The following UMOD variants were observed in gnomAD, a reference collection of about 807,000 sequenced individuals.
UMOD encodes the protein uromodulin.
A neutral mutation model predicts 66.0 loss-of-function variants in UMOD; 64 were observed. The ratio of observed to expected loss-of-function variants is 0.97; its 90% CI spans 0.79 to 1.19. The LOEUF (loss-of-function observed/expected upper bound fraction) is 1.19. Ranked by LOEUF, UMOD falls within the 50% of genes most tolerant of loss-of-function variation. The pLI, the probability that UMOD is intolerant of heterozygous loss-of-function variation, is 0.00. For missense variants in UMOD, 764 were observed against 850.9 expected, an observed-to-expected ratio of 0.90 and a Z score of 1.27; for synonymous variants, 398 against 352.7, an observed-to-expected ratio of 1.13 and a Z score of -1.44.
At chr16:20,343,125 G>A (rs183962941) in intron 6 of UMOD, among the ~76,000 whole-genome samples, 1,188 of 110,244 alleles carry the variant, frequency 0.011, 9 homozygotes, top group African/African-American at 0.029. Flanking sequence ...ACGAGACTCC[G>A]TCTCAATAAA....
At chr16:20,355,498 A>G (rs1314769559), upstream of UMOD, among the ~76,000 whole-genome samples, 1 of 150,926 alleles carries the variant, frequency 6.6e-6, no homozygotes, top group Non-Finnish European at 1.5e-5. Flanking sequence ...CCACCTCCCA[A>G]GTTCAAGTGA....
intron 7 of UMOD, among the ~76,000 whole-genome samples, chr16:20,340,003 A>T (rs1186179250): frequency 1.3e-5 from 2 of 150,512 alleles, no homozygotes; most frequent in African/African-American, 2.5e-5. Context: ...CCCATGTCTT[A>T]CTCCTCCCCC....
chr16:20,352,077 C>T (rs1307745187), intron 1 of UMOD, among the ~76,000 whole-genome samples: 1 of 146,680 alleles, frequency 6.8e-6, no homozygotes, highest in Admixed American at 6.9e-5. Context: ...CTAGTGCAGT[C>T]GCTTCTGCAT....
At chr16:20,335,336 G>T in intron 10 of UMOD, 146 bp downstream of exon 10, 1 of 771,956 alleles carries the variant, frequency 1.3e-6, no homozygotes, top group Non-Finnish European at 2.2e-6. Flanking sequence ...GACCACTCAG[G>T]TTCTCTGAGC....
intron 7 of UMOD, among the ~76,000 whole-genome samples, chr16:20,339,802 G>A (rs1413129793): frequency 4.6e-5 from 7 of 152,192 alleles, no homozygotes; most frequent in Non-Finnish European, 8.8e-5. Flanking sequence ...TGAGGGCAGA[G>A]GTTTTTGTTT....
chr16:20,334,032 CAAAAAAAAAAAA>C (rs575596167), intron 10 of UMOD, among the ~76,000 whole-genome samples: 1 of 57,114 alleles, frequency 1.8e-5, no homozygotes, highest in Non-Finnish European at 3.3e-5. Flanking sequence ...GATTCCATCT[CAAAAAAAAAAAA>C]AAAAAAAAAA....
At position 20,337,421 on chromosome 16, in the gene UMOD, A is replaced by G. The variant is rs1457035320; in HGVS notation, c.1610T>C (p.Val537Ala). Residue 537 changes from valine (V) to alanine (A), a missense_variant, in exon 8 of 11, where the codon GTG (valine) becomes GCG (alanine). Val to Ala is a moderately conservative substitution (Grantham distance 64). Transcript: ENST00000396138. ...CTGGGAGGACTCCCCATTCTCCACC[A>G]CTTGGATAGTTGAGTCTCTAGTGTG... Reference protein sequence around the residue: ...CPHTRDSTIQVVENGESSQGR... With the variant: ...CPHTRDSTIQAVENGESSQGR... 2 of 1,614,188 alleles carry G rather than the reference A, an allele frequency of 1.2e-6. No homozygotes were observed. The highest frequency in any genetic ancestry group is 1.7e-6 in the Non-Finnish European group (2 of 1,180,034).
In UMOD at chr16:20,348,330, T is replaced by C. The variant is rs1301461315; in HGVS notation, c.866A>G (p.Asp289Gly). Residue 289 changes from aspartate (D) to glycine (G), a missense_variant and splice_region_variant, in exon 4 of 11, where the codon GAC becomes GGC. Asp to Gly is a moderately conservative substitution (Grantham distance 94). Coordinates refer to ENST00000396138, the MANE Select transcript of UMOD (RefSeq NM_003361.4). ...PPECHLAYCT[D>G]PSSVEGTCEE... ...ACACGTCCCCTCCACGGAGCTGGGG[T>C]CTGCAGGGTCACAGGGACAGACAGA... 1 of 1,613,932 alleles carries C rather than the reference T, an allele frequency of 6.2e-7. No individual in the cohort carries two copies. The highest frequency in any genetic ancestry group is 8.5e-7 in the Non-Finnish European group (1 of 1,180,034).
intron 8 of UMOD, 127 bp from the exon 9 acceptor site, chr16:20,336,854 T>C: frequency 1.3e-6 from 1 of 795,352 alleles, no homozygotes; most frequent in Non-Finnish European, 2.1e-6. Context: ...TTAGGAGACC[T>C]GTATACCGGG....
At chr16:20,335,276 G>A (rs1388842467) in intron 10 of UMOD, among the ~76,000 whole-genome samples, 3 of 152,138 alleles carry the variant, frequency 2.0e-5, no homozygotes, top group Non-Finnish European at 4.4e-5. Context: ...GTATACTGGG[G>A]CACATGTCCC....
At chr16:20,346,883 G>GAGAA (rs147502738) in intron 4 of UMOD, among the ~76,000 whole-genome samples, 2,565 of 151,270 alleles carry the variant, frequency 0.017, 69 homozygotes, top group East Asian at 0.062. Flanking sequence ...AAAAGAAAGA[G>GAGAA]AGAAAGAAAG....
intron 5 of UMOD, among the ~76,000 whole-genome samples, chr16:20,345,099 T>C (rs1359666361): frequency 6.6e-6 from 1 of 152,174 alleles, no homozygotes; most frequent in Non-Finnish European, 1.5e-5. Context: ...CTGCAACCTC[T>C]GCTTCCTGGG....
upstream of UMOD, among the ~76,000 whole-genome samples, chr16:20,355,961 CT>C (rs1322382543): frequency 6.6e-6 from 1 of 152,188 alleles, no homozygotes; most frequent in Non-Finnish European, 1.5e-5. Flanking sequence ...TCAGATTTAC[CT>C]GCATTCCTTG....
At chr16:20,348,106 G>T in intron 4 of UMOD, 117 bp downstream of exon 4, 1 of 916,236 alleles carries the variant, frequency 1.1e-6, no homozygotes, top group Non-Finnish European at 1.8e-6. Flanking sequence ...CACTCAGGTT[G>T]GATATATATC....
At chr16:20,336,797 G>T (rs529368111) in intron 8 of UMOD, 70 bp from the exon 9 acceptor site, 4 of 1,423,058 alleles carry the variant, frequency 2.8e-6, no homozygotes, top group Non-Finnish European at 4.0e-6. Flanking sequence ...CACGTGGAGT[G>T]GACTGCCCAC....
At chr16:20,344,263 C>T in intron 5 of UMOD, 91 bp from the exon 6 acceptor site, 3 of 1,331,338 alleles carry the variant, frequency 2.3e-6, no homozygotes, top group Non-Finnish European at 3.2e-6. Context: ...ATCTGCTGGT[C>T]TCATGTCTGG....
Position 20,346,224 on chromosome 16 carries a change from T to G in UMOD, c.1084A>C (p.Ser362Arg). Residue 362 changes from serine (S) to arginine (R), a missense_variant, in exon 5 of 11, where the codon AGT becomes CGT. By Grantham distance (110) the Ser-to-Arg change is moderately radical. Transcript: ENST00000396138. ...TTGAAGCCCGAGCACCGGCTGTCACTCAGGTACATGAAGACCTTGTCGAAG... is the reference window on the plus strand; with the variant it reads ...TTGAAGCCCGAGCACCGGCTGTCACGCAGGTACATGAAGACCTTGTCGAAG... ...LGFDKVFMYL[S>R]DSRCSGFNDR... The G allele has an allele frequency of 6.2e-7, 1 of 1,614,240 alleles. No homozygotes were observed. The highest frequency in any genetic ancestry group is 8.5e-7 in the Non-Finnish European group (1 of 1,180,048).
upstream of UMOD, among the ~76,000 whole-genome samples, chr16:20,354,958 C>G (rs189031866): frequency 1.3e-5 from 2 of 152,254 alleles, no homozygotes; most frequent in East Asian, 3.9e-4. Context: ...GGACCAGGTA[C>G]CAGACAACTA....
intron 8 of UMOD, 142 bp from the exon 9 acceptor site, chr16:20,336,869 G>C (rs1003308855): frequency 1.4e-6 from 1 of 717,374 alleles, no homozygotes; most frequent in South Asian, 1.6e-5. Context: ...ACCGGGGCTC[G>C]TGCAGGTCCC....
Sources: allele counts gnomAD v4.1 joint callset (sites outside exome capture counted in the v4.1 genomes callset), GRCh38; gene constraint gnomAD v4.1.1; transcripts MANE v1.5; gene names NCBI Gene and HGNC (gene_info 2026-07-23, HGNC 2026-07-21).